The following TMTC1 variants were observed in gnomAD, a reference collection of about 807,000 sequenced individuals.
The protein encoded by TMTC1 is transmembrane O-mannosyltransferase targeting cadherins 1.
A neutral mutation model predicts 104.8 loss-of-function variants in TMTC1; 73 were observed. The ratio of observed to expected loss-of-function variants is 0.70; its 90% confidence interval spans 0.58 to 0.85. The LOEUF (loss-of-function observed/expected upper bound fraction) is 0.85. Among genes scored for constraint, TMTC1 ranks in the 40% least tolerant of loss-of-function variants. The probability of loss-of-function intolerance (pLI) is 0.00; values close to 1 mark genes in which losing one functional copy is unlikely to be tolerated. For missense variants in TMTC1, 1,035 were observed against 1,096.1 expected, an observed-to-expected ratio of 0.94 and a Z score of 0.79; for synonymous variants, 434 against 428.7, an observed-to-expected ratio of 1.01 and a Z score of -0.15.
intron 8 of TMTC1, among the ~76,000 whole-genome samples, chr12:29,578,845 G>A (rs1945896823): frequency 6.6e-6 from 1 of 152,148 alleles, no homozygotes; most frequent in Non-Finnish European, 1.5e-5. Flanking sequence ...AAGAATTTGT[G>A]ATTCTCCTCA....
intron 1 of TMTC1, among the ~76,000 whole-genome samples, chr12:29,772,154 A>G (rs1171564513): frequency 1.3e-5 from 2 of 152,180 alleles, no homozygotes; most frequent in East Asian, 3.8e-4. Flanking sequence ...TTTATTTATC[A>G]GGGTTTTAAA....
chr12:29,554,254 C>T (rs1270647485), intron 10 of TMTC1, among the ~76,000 whole-genome samples: 2 of 152,098 alleles, frequency 1.3e-5, no homozygotes, highest in Non-Finnish European at 2.9e-5. Context: ...TAATTTTTGT[C>T]ACACTGTTTG....
intron 15 of TMTC1, among the ~76,000 whole-genome samples, chr12:29,515,753 C>CT (rs59185698): frequency 0.93 from 129,250 of 138,458 alleles, 60,628 homozygotes; most frequent in East Asian, 0.99. Context: ...AGGGCAGTGA[C>CT]TTTTTTTTTT....
chr12:29,694,184 C>T (rs1198913145), intron 5 of TMTC1, among the ~76,000 whole-genome samples: 4 of 152,164 alleles, frequency 2.6e-5, no homozygotes, highest in East Asian at 1.9e-4. Context: ...GATCCATCCC[C>T]GTATCTGACT....
chr12:29,660,111 G>T, intron 5 of TMTC1: 1 of 738,514 alleles, frequency 1.4e-6, no homozygotes, highest in Non-Finnish European at 2.2e-6. Context: ...TTAGTCTTGT[G>T]GCTGGCTTGT....
At chr12:29,644,003 A>T (rs1182909555) in intron 5 of TMTC1, among the ~76,000 whole-genome samples, 5 of 48,208 alleles carry the variant, frequency 1.0e-4, no homozygotes, top group South Asian at 8.7e-4. Flanking sequence ...TTTATATATA[A>T]ATATAAATAT....
chr12:29,706,444 C>A (rs890310987), intron 5 of TMTC1, among the ~76,000 whole-genome samples: 1 of 152,174 alleles, frequency 6.6e-6, no homozygotes, highest in Non-Finnish European at 1.5e-5. Context: ...TATCTTTGAT[C>A]TAAAGTAATT....
At chr12:29,766,326 G>A (rs1382135700) in intron 2 of TMTC1, among the ~76,000 whole-genome samples, 1 of 152,244 alleles carries the variant, frequency 6.6e-6, no homozygotes. Context: ...CAAACCAACT[G>A]GTCAGATCAG....
At chr12:29,516,908 T>G (rs560582557) in intron 14 of TMTC1, among the ~76,000 whole-genome samples, 2 of 152,320 alleles carry the variant, frequency 1.3e-5, no homozygotes, top group African/African-American at 4.8e-5. Flanking sequence ...GAATGTTAAT[T>G]TTCCTGAGTC....
chr12:29,715,987 GTATTATTATTATTAT>G (rs140955615), intron 5 of TMTC1, among the ~76,000 whole-genome samples: 122 of 130,154 alleles, frequency 9.4e-4, no homozygotes, highest in Admixed American at 2.5e-3. Context: ...GCCAAACTCA[GTATTATTATTATTAT>G]TATTATTATT....
chr12:29,666,228 CTTT>C (rs751968439), intron 5 of TMTC1: 1,037 of 362,054 alleles, frequency 2.9e-3, no homozygotes, highest in Admixed American at 4.8e-3. Flanking sequence ...TTTCTTTTTT[CTTT>C]TTTTTTTTTT....
At chr12:29,602,169 G>A (rs1946585304) in intron 7 of TMTC1, among the ~76,000 whole-genome samples, 1 of 151,864 alleles carries the variant, frequency 6.6e-6, no homozygotes, top group South Asian at 2.1e-4. Context: ...CTGAGACAGG[G>A]TCTGGTTCTG....
intron 1 of TMTC1, among the ~76,000 whole-genome samples, chr12:29,778,930 T>C (rs996599163): frequency 6.6e-6 from 1 of 152,128 alleles, no homozygotes; most frequent in East Asian, 1.9e-4. Context: ...AGAGGGTGAA[T>C]GGACTTGAAG....
intron 9 of TMTC1, among the ~76,000 whole-genome samples, chr12:29,571,254 A>T (rs934470917): frequency 6.6e-6 from 1 of 152,094 alleles, no homozygotes; most frequent in Non-Finnish European, 1.5e-5. Flanking sequence ...ACAATTGGAG[A>T]TTGCCAGGCT....
At chr12:29,738,112 G>T (rs985536462) in intron 5 of TMTC1, among the ~76,000 whole-genome samples, 5 of 152,134 alleles carry the variant, frequency 3.3e-5, no homozygotes, top group African/African-American at 1.2e-4. Flanking sequence ...CTTCACATAT[G>T]TCACATCATT....
chr12:29,605,080 A>G (rs1373518682), intron 6 of TMTC1, among the ~76,000 whole-genome samples: 1 of 152,162 alleles, frequency 6.6e-6, no homozygotes, highest in East Asian at 1.9e-4. Context: ...TATTTATGGT[A>G]TAGACACATT....
intron 2 of TMTC1, among the ~76,000 whole-genome samples, chr12:29,763,304 C>T (rs887583840): frequency 6.6e-6 from 1 of 152,232 alleles, no homozygotes; most frequent in Non-Finnish European, 1.5e-5. Flanking sequence ...AACCACTAAG[C>T]ATGCACTGAA....
At chr12:29,780,267 G>A (rs1435814898) in intron 1 of TMTC1, among the ~76,000 whole-genome samples, 2 of 152,212 alleles carry the variant, frequency 1.3e-5, no homozygotes, top group Non-Finnish European at 2.9e-5. Flanking sequence ...CAGGTGAATG[G>A]TTATACAAAC....
intron 6 of TMTC1, among the ~76,000 whole-genome samples, chr12:29,623,814 A>AAAATAAAT (rs10681102): frequency 4.7e-5 from 7 of 148,654 alleles, no homozygotes; most frequent in African/African-American, 1.8e-4. Context: ...CTCCGGCTCA[A>AAAATAAAT]AAATAAATAA....
Sources: allele counts gnomAD v4.1 joint callset (sites outside exome capture counted in the v4.1 genomes callset), GRCh38; gene constraint gnomAD v4.1.1; transcripts MANE v1.5; gene names NCBI Gene and HGNC (gene_info 2026-07-23, HGNC 2026-07-21).